The following RRH variants were observed in gnomAD, a reference collection of about 807,000 sequenced individuals.
RRH encodes retinal pigment epithelium-derived rhodopsin homolog, also known as visual pigment-like receptor peropsin.
In RRH, 36 loss-of-function variants were observed where a neutral mutation model predicts 33.1. The observed-to-expected ratio is 1.09, with a 90% CI of 0.83 to 1.44. The LOEUF is 1.44. Ranked by LOEUF, RRH falls within the 40% of genes most tolerant of loss-of-function variation. The pLI is 0.00. For synonymous variants in RRH, 124 were observed against 140.2 expected, an observed-to-expected ratio of 0.88 and a Z score of 0.82; for missense variants, 393 against 420.2, an observed-to-expected ratio of 0.94 and a Z score of 0.57.
chr4:109,828,113 C>T lies in RRH; in HGVS notation c.86C>T (p.Ala29Val). 6.2e-7 allele frequency: 1 copy of T among 1,610,252 alleles called. No individual in the cohort carries two copies. Among genetic ancestry groups the T allele is most frequent in the Non-Finnish European group, 8.5e-7 (1 of 1,176,726 alleles). ...VFSQTEHNIV[A>V]TYLIMAGMIS... ...TCACAGACTGAACACAATATTGTTG[C>T]AACTTACTTGATTATGGCAGGTATG... is the stretch of plus-strand genomic sequence containing the variant. Residue 29 changes from alanine (A) to valine (V), a missense_variant, in exon 1 of 7, where the codon GCA becomes GTA. Physicochemically the swap from Ala to Val is moderately conservative, Grantham distance 64. Transcript: ENST00000317735.
chr4:109,829,000 T>C (rs1733693726), intron 1 of RRH, among the ~76,000 whole-genome samples: 1 of 152,192 alleles, frequency 6.6e-6, no homozygotes, highest in Non-Finnish European at 1.5e-5. Context: ...TAATGTATCA[T>C]TGAATTGTGT....
chr4:109,833,377 T>G (rs1195959034), intron 2 of RRH, 48 bp downstream of exon 2: 1 of 1,453,850 alleles, frequency 6.9e-7, no homozygotes, highest in Admixed American at 1.8e-5. Flanking sequence ...ATCAAATAAA[T>G]GTAAATTTAA....
chr4:109,839,186 C>A (rs1733941750), intron 5 of RRH, among the ~76,000 whole-genome samples: 1 of 151,010 alleles, frequency 6.6e-6, no homozygotes, highest in South Asian at 2.1e-4. Flanking sequence ...ATAGTGAAGG[C>A]CAACCCTTGG....
intron 5 of RRH, among the ~76,000 whole-genome samples, chr4:109,839,225 C>T (rs891103663): frequency 6.6e-6 from 1 of 151,148 alleles, no homozygotes; most frequent in African/African-American, 2.5e-5. Flanking sequence ...CACCAAAAAA[C>T]TCATTAATAA....
At chr4:109,835,681 C>A (rs1344976837) in intron 3 of RRH, among the ~76,000 whole-genome samples, 2 of 152,170 alleles carry the variant, frequency 1.3e-5, no homozygotes, top group Admixed American at 6.5e-5. Context: ...ACGGTCCAAG[C>A]CCAAAGTGAG....
At position 109,836,004 on chromosome 4, in the gene RRH, T is replaced by G; in HGVS notation, c.398-3T>G. 2 of 1,614,158 alleles carry G rather than the reference T, an allele frequency of 1.2e-6. No individual in the cohort carries two copies. Among genetic ancestry groups the G allele is most frequent in the East Asian group, 4.5e-5 (2 of 44,874 alleles). On this transcript the variant is annotated splice_region_variant and splice_polypyrimidine_tract_variant and intron_variant, in intron 3 of 6. Transcript: ENST00000317735. ...TGCTAATATTTCCTGTGCTTGATAA[T>G]AGGGAGAAGAATGACCACCAACACT...
At chr4:109,837,286 G>A (rs558756179) in intron 4 of RRH, 151 bp from the exon 5 acceptor site, 33 of 731,342 alleles carry the variant, frequency 4.5e-5, no homozygotes, top group Middle Eastern at 3.9e-4. Context: ...TGCCAATTCC[G>A]GGCCTAAATA....
rs1387219158 is a variant in RRH at position 109,835,416 on chromosome 4, C to T, written c.348C>T (p.Leu116=). The T allele has an allele frequency of 6.2e-7, 1 of 1,614,082 alleles. No homozygotes were observed. The change falls in exon 3 of 7, where the codon CTC becomes CTT. Residue 116 remains leucine, a synonymous_variant. Coordinates refer to ENST00000317735, the MANE Select transcript of RRH (RefSeq NM_006583.5). ...IFFGMASIGL[L]TVVAVDRYLT... The stretch of plus-strand genomic sequence containing the variant: ...TTGGAATGGCAAGCATTGGATTACT[C>T]ACGGTCGTGGCTGTGGACCGATACC...
chr4:109,842,793 CT>C, intron 6 of RRH, 146 bp downstream of exon 6: 1 of 723,550 alleles, frequency 1.4e-6, no homozygotes, highest in Non-Finnish European at 2.4e-6. Flanking sequence ...CATCTAGGAC[CT>C]TAAATGCTTA....
chr4:109,844,257 A>G lies in RRH; in HGVS notation c.*60A>G. On this transcript the variant is annotated 3_prime_UTR_variant, in exon 7 of 7. Transcript: ENST00000317735. Reference sequence around the variant, plus strand: ...AGTTTTTTGACAATGCTTTTCTTTTAAATATGAGCCCATTTAGATCAAGTG... The same window carrying G: ...AGTTTTTTGACAATGCTTTTCTTTTGAATATGAGCCCATTTAGATCAAGTG... 1 of 1,046,830 alleles carries G rather than the reference A, an allele frequency of 9.6e-7. No homozygotes were observed. Among genetic ancestry groups the G allele is most frequent in the Non-Finnish European group, 1.5e-6 (1 of 669,164 alleles). 64.8% of individuals were successfully genotyped at this position (1,046,830 alleles called of 1,614,324 possible). A position where few individuals can be genotyped will look rare whatever the true frequency, so the allele number is the denominator to read the frequency against.
rs147721008 is a variant in RRH at position 109,836,055 on chromosome 4, G to C, written c.446G>C (p.Trp149Ser). The C allele has an allele frequency of 1.9e-6, 3 of 1,614,088 alleles. No homozygotes were observed. The African/African-American group carries it at 4.0e-5, about 22-fold the overall frequency. ...TACATCGGCTTGATTCTGGGAGCCT[G>C]GATCAATGGCCTGTTTTGGGCTTTG... ...NTYIGLILGA[W>S]INGLFWALMP... Residue 149 changes from tryptophan (W) to serine (S), a missense_variant, in exon 4 of 7, where the codon TGG becomes TCG. Physicochemically the swap from Trp to Ser is radical, Grantham distance 177. Coordinates refer to ENST00000317735, the MANE Select transcript of RRH (RefSeq NM_006583.5).
At chr4:109,833,369 C>T in intron 2 of RRH, 40 bp downstream of exon 2, 1 of 1,477,048 alleles carries the variant, frequency 6.8e-7, no homozygotes, top group Non-Finnish European at 9.4e-7. Flanking sequence ...ATAAATAGAT[C>T]AAATAAATGT....
intron 4 of RRH, 151 bp downstream of exon 4, chr4:109,836,311 G>A (rs1185051114): frequency 5.8e-6 from 5 of 856,264 alleles, no homozygotes; most frequent in African/African-American, 1.7e-5. Flanking sequence ...GTTCAAAGAC[G>A]GAATTGAGAA....
chr4:109,832,495 A>AGTT (rs1553921262), intron 1 of RRH, among the ~76,000 whole-genome samples: 3 of 135,180 alleles, frequency 2.2e-5, no homozygotes, highest in Non-Finnish European at 3.1e-5. Context: ...CTATTGGGGT[A>AGTT]GTGTGTGTGT....
In RRH at chr4:109,837,495, GTGA is replaced by G. The variant is rs1733907924; in HGVS notation, c.613_615del (p.Met205del). The G allele has an allele frequency of 2.5e-6, 4 of 1,613,666 alleles. No individual in the cohort carries two copies. In the Admixed American group the frequency reaches 5.0e-5, roughly 20 times the overall value. ...GATAAATTTTATTGTGCCCTTGACA[GTGA>G]TGTTTTACTGCTATTACCATGTCAC... On this transcript the variant is annotated inframe_deletion, in exon 5 of 7. Transcript: ENST00000317735.
chr4:109,833,029 A>G, intron 1 of RRH, 110 bp from the exon 2 acceptor site: 2 of 859,338 alleles, frequency 2.3e-6, no homozygotes, highest in Non-Finnish European at 3.8e-6. Context: ...AAATAAATGA[A>G]CTAAAATAGA....
intron 2 of RRH, among the ~76,000 whole-genome samples, chr4:109,834,496 AT>A (rs58832355): frequency 7.1e-6 from 1 of 139,992 alleles, no homozygotes; most frequent in Admixed American, 7.2e-5. Flanking sequence ...AGCCTGGCTA[AT>A]TTTTTTTTTT....
At position 109,832,495 on chromosome 4, in the gene RRH, A is replaced by AGTGTGTGTGTGTGTGT. The variant is rs36127904; in HGVS notation, c.107-621_107-606dup. The stretch of plus-strand genomic sequence containing the variant: ...GTAGTATGCATTCTTCTATTGGGGT[A>AGTGTGTGTGTGTGTGT]GTGTGTGTGTGTGTGTGTGTGTGTG... On this transcript the variant is annotated intron_variant, in intron 1 of 6. Transcript: ENST00000317735. Among the ~76,000 whole-genome samples the AGTGTGTGTGTGTGTGT allele has an allele frequency of 4.1e-4, 56 of 135,288 alleles. 2 individuals are homozygous for AGTGTGTGTGTGTGTGT. The highest frequency in any genetic ancestry group is 8.2e-4 in the African/African-American group (28 of 33,980). 88.8% of individuals were successfully genotyped at this position (135,288 alleles called of 152,430 possible). A position where few individuals can be genotyped will look rare whatever the true frequency, so the allele number is the denominator to read the frequency against.
intron 5 of RRH, among the ~76,000 whole-genome samples, chr4:109,841,531 A>C (rs1049994432): frequency 1.3e-5 from 2 of 152,050 alleles, no homozygotes; most frequent in Admixed American, 6.6e-5. Flanking sequence ...TTCTTTGTAG[A>C]TTTCAACCAG....
Sources: gnomAD v4.1 joint callset for allele counts (sites outside exome capture counted in the v4.1 genomes callset) on GRCh38, gnomAD v4.1.1 for gene constraint, MANE v1.5 for transcripts, NCBI Gene and HGNC (gene_info 2026-07-23, HGNC 2026-07-21) for gene names.